VRTN: variants seen among roughly 807,000 people sequenced by gnomAD.
VRTN encodes vertnin.
Under a neutral mutation model 18.2 loss-of-function variants are expected in VRTN, and 5 were observed. The ratio of observed to expected loss-of-function variants is 0.27; its 90% CI spans 0.14 to 0.58. The LOEUF is 0.58. Among genes scored for constraint, VRTN ranks in the 20% least tolerant of loss-of-function variants. VRTN has a pLI of 0.91. For synonymous variants in VRTN, 381 were observed against 393.7 expected (o/e 0.97, Z 0.38); for missense variants, 741 against 939.4 (o/e 0.79, Z 2.76).
intron 1 of VRTN, among the ~76,000 whole-genome samples, chr14:74,310,712 A>G (rs1311906951): frequency 6.6e-6 from 1 of 151,448 alleles, no homozygotes; most frequent in East Asian, 2.0e-4. Flanking sequence ...TAAATTTTGT[A>G]TTTTTAGTAG....
At chr14:74,305,318 G>A (rs1184319292) in intron 1 of VRTN, 1 of 143,492 alleles carries the variant, frequency 7.0e-6, no homozygotes, top group East Asian at 2.1e-4. Flanking sequence ...GGTGACAAGA[G>A]TGAGACTGTT....
chr14:74,344,859 A>G (rs2085633752), upstream of VRTN, among the ~76,000 whole-genome samples: 1 of 151,978 alleles, frequency 6.6e-6, no homozygotes, highest in Non-Finnish European at 1.5e-5. Context: ...ATAAGAGTGT[A>G]TAGTAGACTA....
chr14:74,346,646 G>A (rs2085646294), upstream of VRTN, among the ~76,000 whole-genome samples: 1 of 152,134 alleles, frequency 6.6e-6, no homozygotes, highest in Non-Finnish European at 1.5e-5. Flanking sequence ...TAAGAAAAAA[G>A]AACTGGATTA....
At chr14:74,349,520 A>G (rs986730699) in intron 1 of VRTN, among the ~76,000 whole-genome samples, 1 of 152,070 alleles carries the variant, frequency 6.6e-6, no homozygotes, top group African/African-American at 2.4e-5. Flanking sequence ...TGGGAGGGAG[A>G]GGAAGAAAAG....
At chr14:74,346,192 C>G (rs1418927320), upstream of VRTN, among the ~76,000 whole-genome samples, 1 of 151,666 alleles carries the variant, frequency 6.6e-6, no homozygotes, top group Non-Finnish European at 1.5e-5. Context: ...TGTCCCAGCT[C>G]CTCGGGAGGC....
chr14:74,318,131 T>A (rs1026205536), intron 1 of VRTN, among the ~76,000 whole-genome samples: 5 of 152,062 alleles, frequency 3.3e-5, no homozygotes, highest in Non-Finnish European at 5.9e-5. Flanking sequence ...AAATAAAATT[T>A]AAAAAAAGAC....
upstream of VRTN, among the ~76,000 whole-genome samples, chr14:74,348,088 G>A (rs2085655488): frequency 6.6e-6 from 1 of 152,158 alleles, no homozygotes; most frequent in African/African-American, 2.4e-5. Flanking sequence ...AGAGCCTCAA[G>A]GTATTTCTCT....
At chr14:74,353,599 A>G (rs1175764974) in intron 1 of VRTN, among the ~76,000 whole-genome samples, 2 of 152,230 alleles carry the variant, frequency 1.3e-5, no homozygotes, top group Non-Finnish European at 2.9e-5. Flanking sequence ...CCTTTTGTTT[A>G]TATAGGTTAT....
chr14:74,353,728 CT>C (rs371798899), intron 1 of VRTN, among the ~76,000 whole-genome samples: 136 of 146,778 alleles, frequency 9.3e-4, no homozygotes, highest in Middle Eastern at 3.5e-3. Flanking sequence ...AAAAAAACTA[CT>C]TTTTTTTTTT....
intron 1 of VRTN, among the ~76,000 whole-genome samples, chr14:74,308,260 G>GA (rs2085367349): frequency 6.6e-6 from 1 of 151,822 alleles, no homozygotes; most frequent in African/African-American, 2.4e-5. Context: ...TACAAAAAAA[G>GA]AAAAAAATTG....
Position 74,357,095 on chromosome 14 carries a change from G to A in VRTN, c.312G>A (p.Leu104=), listed in dbSNP as rs752082456. 3.1e-6 allele frequency: 5 copies of A among 1,604,900 alleles called. No homozygotes were observed. Among genetic ancestry groups the A allele is most frequent in the Admixed American group, 3.3e-5 (2 of 59,894 alleles). ...GTGACGCAGGCCTCAGCCTGGAGCT[G>A]CGGGCCCGCACCGTGGTAGAGATGC... ...LWGDAGLSLE[L]RARTVVEMLL... is the part of the protein sequence containing the mutation. Residue 104 remains leucine, a synonymous_variant, in exon 2 of 2, where the codon CTG becomes CTA. Coordinates refer to ENST00000256362, the MANE Select transcript of VRTN (RefSeq NM_018228.3). This position sits in a 1 kb window ranked among gnomAD's most constrained non-coding sequence, Gnocchi z 7.8.
At chr14:74,349,598 G>T (rs2085670348) in intron 1 of VRTN, among the ~76,000 whole-genome samples, 1 of 152,226 alleles carries the variant, frequency 6.6e-6, no homozygotes, top group African/African-American at 2.4e-5. Context: ...GAAGGATTTT[G>T]TTCTAAAGAC....
In VRTN at chr14:74,357,332, C is replaced by T. The variant is rs1168649583; in HGVS notation, c.549C>T (p.Leu183=). 1.2e-6 allele frequency: 2 copies of T among 1,614,102 alleles called. No individual in the cohort carries two copies. The highest frequency in any genetic ancestry group is 3.3e-4 in the Middle Eastern group (2 of 6,062). Residue 183 remains leucine, a synonymous_variant, in exon 2 of 2, where the codon CTC becomes CTT. Coordinates refer to ENST00000256362, the MANE Select transcript of VRTN (RefSeq NM_018228.3). This position sits in a 1 kb window ranked among gnomAD's most constrained non-coding sequence, Gnocchi z 7.8. ...VWHLYALASV[L]QRNIYSIYPM... is the part of the protein sequence containing the mutation. ...ACTTGTATGCTCTCGCCTCTGTCCT[C>T]CAGCGGAACATCTACTCCATCTACC...
Position 74,356,868 on chromosome 14 carries a change from G to A in VRTN, c.85G>A (p.Gly29Ser). The change falls in exon 2 of 2, where the codon GGT becomes AGT. Residue 29 changes from glycine to serine, a missense_variant. Transcript: ENST00000256362. Reference protein sequence around the residue: ...VECEGLEGLIGASLEAKQVLS... With the variant: ...VECEGLEGLISASLEAKQVLS... ...GTGCGAAGGCCTGGAGGGTCTCATAGGTGCTTCCTTGGAGGCCAAGCAGGT... is the reference window on the plus strand; with the variant it reads ...GTGCGAAGGCCTGGAGGGTCTCATAAGTGCTTCCTTGGAGGCCAAGCAGGT... 1 of 1,614,026 alleles carries A rather than the reference G, an allele frequency of 6.2e-7. No individual in the cohort carries two copies. Among genetic ancestry groups the A allele is most frequent in the Non-Finnish European group, 8.5e-7 (1 of 1,179,982 alleles).
At position 74,358,867 on chromosome 14, in the gene VRTN, A is replaced by G; in HGVS notation, c.2084A>G (p.Asp695Gly). 1 of 1,612,786 alleles carries G rather than the reference A, an allele frequency of 6.2e-7. No homozygotes were observed. Among genetic ancestry groups the G allele is most frequent in the Non-Finnish European group, 8.5e-7 (1 of 1,179,144 alleles). The change falls in exon 2 of 2, where the codon GAC becomes GGC. Residue 695 changes from aspartate (D) to glycine (G), a missense_variant. Around this residue, in one of 3 missense-constraint regions of VRTN, gnomAD observed 61 missense variants for 104.6 expected, o/e 0.58. Transcript: ENST00000256362. This position sits in a 1 kb window ranked among gnomAD's most constrained non-coding sequence, Gnocchi z 5.4. Reference protein sequence around the residue: ...TYYMWKRALYDGLTLVDG With the variant: ...TYYMWKRALYGGLTLVDG ...TACATGTGGAAGCGAGCCCTCTATG[A>G]CGGCCTGACCCTGGTAGATGGCTGA... is the stretch of plus-strand genomic sequence containing the variant.
chr14:74,354,891 C>G (rs1452469240), intron 1 of VRTN, among the ~76,000 whole-genome samples: 2 of 151,916 alleles, frequency 1.3e-5, no homozygotes, highest in South Asian at 2.1e-4. Context: ...CCTGTAATCC[C>G]AGCACTTTGG....
intron 1 of VRTN, among the ~76,000 whole-genome samples, chr14:74,312,607 C>T (rs2085395188): frequency 6.6e-6 from 1 of 151,998 alleles, no homozygotes; most frequent in Non-Finnish European, 1.5e-5. Flanking sequence ...CATGCCACCA[C>T]ACCCAGCTGA....
At chr14:74,303,068 T>A, upstream of VRTN, 1 of 747,706 alleles carries the variant, frequency 1.3e-6, no homozygotes, top group Non-Finnish European at 2.0e-6. Context: ...CCGACGTCTC[T>A]AAAAGTACCA....
intron 1 of VRTN, among the ~76,000 whole-genome samples, chr14:74,304,213 A>G (rs888634795): frequency 2.0e-5 from 3 of 151,196 alleles, no homozygotes; most frequent in Admixed American, 6.6e-5. Context: ...CTGGAGTGCA[A>G]TGGTGCTATC....
Sources: gnomAD v4.1 joint callset for allele counts (sites outside exome capture counted in the v4.1 genomes callset) on GRCh38, gnomAD v4.1.1 for gene constraint, gnomAD v4.1.1 regional missense constraint, Gnocchi (gnomAD v3.1) non-coding constraint, MANE v1.5 for transcripts, NCBI Gene and HGNC (gene_info 2026-07-23, HGNC 2026-07-21) for gene names.